The following STRN3 variants were observed in gnomAD, a reference collection of about 807,000 sequenced individuals.
STRN3 encodes the protein striatin 3, also known as striatin-3.
STRN3 carries 29 observed loss-of-function variants against 95.6 expected under a neutral mutation model. The observed-to-expected ratio is 0.30, with a 90% CI of 0.23 to 0.41. The LOEUF (loss-of-function observed/expected upper bound fraction) is 0.41, where lower values mean the gene tolerates loss of function less well. Ranked by LOEUF, STRN3 falls within the 10% of genes least tolerant of loss-of-function variation. The pLI, the probability that STRN3 is intolerant of heterozygous loss-of-function variation, is 1.00. For missense variants in STRN3, 890 were observed against 972.1 expected, an observed-to-expected ratio of 0.92 and a Z score of 1.12; for synonymous variants, 331 against 357.6, an observed-to-expected ratio of 0.93 and a Z score of 0.84.
chr14:30,909,730 G>A (rs941762190), intron 13 of STRN3, among the ~76,000 whole-genome samples: 1 of 152,044 alleles, frequency 6.6e-6, no homozygotes, highest in Admixed American at 6.6e-5. Flanking sequence ...CACCCACTTC[G>A]GCCTCCCAAA....
At chr14:30,988,507 T>C (rs1357751414) in intron 1 of STRN3, among the ~76,000 whole-genome samples, 1 of 152,134 alleles carries the variant, frequency 6.6e-6, no homozygotes, top group Non-Finnish European at 1.5e-5. Flanking sequence ...ACAACAAAAT[T>C]AAAGCATATC....
At chr14:30,954,389 C>T (rs1026873666) in intron 3 of STRN3, among the ~76,000 whole-genome samples, 4 of 152,046 alleles carry the variant, frequency 2.6e-5, no homozygotes, top group Admixed American at 6.6e-5. Context: ...ATATTTTGTA[C>T]ATTTTCTTTC....
chr14:30,981,781 C>T lies in STRN3; in HGVS notation c.283-25539G>A, dbSNP rs536212452. Among the ~76,000 whole-genome samples, 4 of 152,230 alleles carry T rather than the reference C, an allele frequency of 2.6e-5. No homozygotes were observed. The East Asian group carries it at 5.8e-4, about 22-fold the overall frequency. ...CTTATAAAATTTTTCATGAAAATAA[C>T]GTTTTCCAATTTTATTGATAAAAGA... is the stretch of plus-strand genomic sequence containing the variant. On this transcript the variant is annotated intron_variant, in intron 1 of 17. Transcript: ENST00000357479.
In STRN3 at chr14:30,994,713, A is replaced by C. The variant is rs148139432; in HGVS notation, c.282+31191T>G. On this transcript the variant is annotated intron_variant, in intron 1 of 17. Transcript: ENST00000357479. ...AATTTAAATCTCTGCTCACAACATG[A>C]AAATGTACCAACTGCACCACAAGAT... is the stretch of plus-strand genomic sequence containing the variant. Among the ~76,000 whole-genome samples, 3 of 152,354 alleles carry C rather than the reference A, an allele frequency of 2.0e-5. No individual in the cohort carries two copies. The East Asian group carries it at 5.8e-4, about 29-fold the overall frequency.
intron 1 of STRN3, among the ~76,000 whole-genome samples, chr14:30,966,908 T>C (rs181713532): frequency 2.4e-4 from 36 of 152,032 alleles, no homozygotes; most frequent in Admixed American, 6.5e-4. Flanking sequence ...AAGTGGGAAG[T>C]GTGCAAAGGA....
chr14:30,970,005 T>C (rs973450119), intron 1 of STRN3, among the ~76,000 whole-genome samples: 1 of 152,178 alleles, frequency 6.6e-6, no homozygotes, highest in Non-Finnish European at 1.5e-5. Context: ...CCTCCAGTCA[T>C]GGACCACAGT....
In STRN3 at chr14:31,008,866, T is replaced by C. The variant is rs113984366; in HGVS notation, c.282+17038A>G. On this transcript the variant is annotated intron_variant, in intron 1 of 17. Transcript: ENST00000357479. ...CCAGCCTGGGCAACATGGTGAAACC[T>C]TGTCTCTACAAAAAATACAAAAACT... Among the ~76,000 whole-genome samples the C allele has an allele frequency of 3.3e-5, 5 of 151,604 alleles. No individual in the cohort carries two copies. In the East Asian group the frequency reaches 9.8e-4, roughly 30 times the overall value.
At chr14:30,935,773 A>C (rs559584766) in intron 6 of STRN3, among the ~76,000 whole-genome samples, 1 of 152,336 alleles carries the variant, frequency 6.6e-6, no homozygotes, top group South Asian at 2.1e-4. Flanking sequence ...CAAAATCTCT[A>C]TTCACCCAAA....
chr14:30,957,517 A>C (rs1012325237), intron 1 of STRN3, among the ~76,000 whole-genome samples: 1 of 151,484 alleles, frequency 6.6e-6, no homozygotes, highest in Non-Finnish European at 1.5e-5. Context: ...GTACCACCCC[A>C]CTCCAAATTC....
chr14:30,976,292 C>A (rs969797790), intron 1 of STRN3, among the ~76,000 whole-genome samples: 1 of 152,144 alleles, frequency 6.6e-6, no homozygotes, highest in Non-Finnish European at 1.5e-5. Context: ...AAGCAGACTT[C>A]AGAACCAGGA....
At chr14:30,921,916 G>C (rs1187883812) in intron 8 of STRN3, among the ~76,000 whole-genome samples, 3 of 151,856 alleles carry the variant, frequency 2.0e-5, no homozygotes, top group Non-Finnish European at 2.9e-5. Flanking sequence ...TGTCACCCAG[G>C]CTAGAATGCA....
At chr14:30,987,888 C>A (rs942725936) in intron 1 of STRN3, among the ~76,000 whole-genome samples, 1 of 152,040 alleles carries the variant, frequency 6.6e-6, no homozygotes, top group Admixed American at 6.6e-5. Flanking sequence ...CAGGTGTGTG[C>A]CACCATGCCC....
At chr14:30,964,179 G>A (rs1433372734) in intron 1 of STRN3, among the ~76,000 whole-genome samples, 1 of 152,184 alleles carries the variant, frequency 6.6e-6, no homozygotes, top group Non-Finnish European at 1.5e-5. Flanking sequence ...TTGAACCTGG[G>A]AGGTGGAGGT....
At chr14:30,961,349 A>G (rs1263142572) in intron 1 of STRN3, among the ~76,000 whole-genome samples, 6 of 152,236 alleles carry the variant, frequency 3.9e-5, no homozygotes, top group Non-Finnish European at 8.8e-5. Context: ...CATTATATAC[A>G]GTCATGTGCC....
intron 8 of STRN3, among the ~76,000 whole-genome samples, chr14:30,923,994 C>A (rs1234997768): frequency 1.3e-5 from 2 of 151,662 alleles, no homozygotes; most frequent in African/African-American, 2.4e-5. Context: ...AAAATTTTTA[C>A]AAAAGATTAA....
intron 16 of STRN3, among the ~76,000 whole-genome samples, chr14:30,897,490 C>G (rs1265666924): frequency 6.6e-6 from 1 of 152,110 alleles, no homozygotes; most frequent in Admixed American, 6.5e-5. Context: ...GAGGCTGAGA[C>G]AGGAGAATCG....
rs377682648 is a variant in STRN3 at position 30,936,510 on chromosome 14, C to A, written c.831G>T (p.Arg277=). 1 of 1,612,854 alleles carries A rather than the reference C, an allele frequency of 6.2e-7. No individual in the cohort carries two copies. The highest frequency in any genetic ancestry group is 8.5e-7 in the Non-Finnish European group (1 of 1,179,632). The stretch of plus-strand genomic sequence containing the variant: ...TAATTCCTACTTTATGTTTATTCAT[C>A]CGATGTTTGTCTTTTCCTTCTGGGA... ...EGIPEGKDKH[R]MNKHKIGNEG... is the part of the protein sequence containing the mutation. Residue 277 remains arginine (R), a synonymous_variant, in exon 6 of 18, where the codon CGG becomes CGT. Coordinates refer to ENST00000357479, the MANE Select transcript of STRN3 (RefSeq NM_001083893.2).
At chr14:30,895,817 A>G in intron 16 of STRN3, 69 bp from the exon 17 acceptor site, 15 of 1,316,574 alleles carry the variant, frequency 1.1e-5, no homozygotes, top group Non-Finnish European at 1.6e-5. Flanking sequence ...AGAAACTACA[A>G]TATAGCATCA....
At chr14:30,900,627 C>T (rs1471685016) in intron 16 of STRN3, among the ~76,000 whole-genome samples, 1 of 151,612 alleles carries the variant, frequency 6.6e-6, no homozygotes, top group Non-Finnish European at 1.5e-5. Context: ...ACCCTGTAGT[C>T]CCACCCAGCT....
Sources: allele counts gnomAD v4.1 joint callset (sites outside exome capture counted in the v4.1 genomes callset), GRCh38; gene constraint gnomAD v4.1.1; transcripts MANE v1.5; gene names NCBI Gene and HGNC (gene_info 2026-07-23, HGNC 2026-07-21).